PRKCA: variants seen among roughly 807,000 people sequenced by gnomAD.
PRKCA encodes the protein protein kinase C alpha, also known as protein kinase C alpha type.
Under a neutral mutation model 87.0 loss-of-function variants are expected in PRKCA, and 27 were observed. That is an observed-to-expected ratio of 0.31 (90% CI 0.23 to 0.43). The LOEUF (loss-of-function observed/expected upper bound fraction) is 0.43, where lower values mean the gene tolerates loss of function less well. PRKCA is among the 20% of genes least tolerant of loss of function. The pLI, the probability that PRKCA is intolerant of heterozygous loss-of-function variation, is 1.00. For missense variants in PRKCA, 518 were observed against 852.3 expected, an observed-to-expected ratio of 0.61 and a Z score of 4.88; for synonymous variants, 329 against 311.1, an observed-to-expected ratio of 1.06 and a Z score of -0.61.
chr17:66,350,522 A>T (rs1701531057), intron 2 of PRKCA, among the ~76,000 whole-genome samples: 1 of 151,828 alleles, frequency 6.6e-6, no homozygotes, highest in African/African-American at 2.4e-5. Context: ...CAGTTTTATT[A>T]TTTTTTTTAA....
At chr17:66,424,214 G>A (rs1324000715) in intron 2 of PRKCA, among the ~76,000 whole-genome samples, 1 of 152,098 alleles carries the variant, frequency 6.6e-6, no homozygotes, top group African/African-American at 2.4e-5. Context: ...TACGCATGAT[G>A]ATGGTTTTCT....
rs138767503 is a variant in PRKCA at position 66,363,781 on chromosome 17, C to T, written c.205+57654C>T. Among the ~76,000 whole-genome samples, 589 of 152,316 alleles carry T rather than the reference C, an allele frequency of 3.9e-3. 3 individuals are homozygous for T. The highest frequency in any genetic ancestry group is 0.014 in the African/African-American group (567 of 41,564). On this transcript the variant is annotated intron_variant, in intron 2 of 16. Transcript: ENST00000413366. The stretch of plus-strand genomic sequence containing the variant: ...GCAGTGGCACGATCTTGGCTCACTG[C>T]AACCTCTGCCTCCCGGGTTCAAACG...
At chr17:66,579,055 C>T (rs1320784756) in intron 3 of PRKCA, among the ~76,000 whole-genome samples, 2 of 152,198 alleles carry the variant, frequency 1.3e-5, no homozygotes, top group Admixed American at 1.3e-4. Context: ...GTGGCTGCTG[C>T]TTTCTGCTCG....
rs971070927 is a variant in PRKCA, at chr17:66,792,745, G to A, written c.1854+3766G>A. Among the ~76,000 whole-genome samples the A allele has an allele frequency of 3.9e-5, 6 of 152,236 alleles. No individual in the cohort carries two copies. The highest frequency in any genetic ancestry group is 7.2e-5 in the African/African-American group (3 of 41,460). On this transcript the variant is annotated intron_variant, in intron 16 of 16. Coordinates refer to ENST00000413366, the MANE Select transcript of PRKCA (RefSeq NM_002737.3). This position sits in a 1 kb window ranked among gnomAD's most constrained non-coding sequence, Gnocchi z 4.5. ...CAGAAAGAGGAGAGTGACCAGCATC[G>A]AGTGTGTGGGACAGTGGCCATCTCC... is the stretch of plus-strand genomic sequence containing the variant.
At position 66,403,038 on chromosome 17, in the gene PRKCA, C is replaced by T. The variant is rs192485900; in HGVS notation, c.206-93163C>T. 1.5e-3 allele frequency among the ~76,000 whole-genome samples: 224 copies of T among 152,154 alleles called. 4 individuals are homozygous for T. The highest frequency in any genetic ancestry group is 0.014 in the Admixed American group (213 of 15,278). On this transcript the variant is annotated intron_variant, in intron 2 of 16. Coordinates refer to ENST00000413366, the MANE Select transcript of PRKCA (RefSeq NM_002737.3). Reference sequence around the variant, plus strand: ...TGATTGATTGGTTTCTTTATTATCACGGTTTGAGCTGTCATTGAGTATGTG... The same window carrying T: ...TGATTGATTGGTTTCTTTATTATCATGGTTTGAGCTGTCATTGAGTATGTG...
chr17:66,691,202 C>A lies in PRKCA; in HGVS notation c.918+2155C>A, dbSNP rs1041731726. Among the ~76,000 whole-genome samples, 15 of 152,046 alleles carry A rather than the reference C, an allele frequency of 9.9e-5. No homozygotes were observed. The South Asian group carries it at 3.1e-3, about 32-fold the overall frequency. On this transcript the variant is annotated intron_variant, in intron 8 of 16. Coordinates refer to ENST00000413366, the MANE Select transcript of PRKCA (RefSeq NM_002737.3). ...TCAAATATGCATCTATTGCTTTAGA[C>A]ACCAGTAGGATTCAACCAGTAAGAA... is the stretch of plus-strand genomic sequence containing the variant.
rs1047692424 is a variant in PRKCA, at chr17:66,792,068, C to G, written c.1854+3089C>G. Among the ~76,000 whole-genome samples, 1 of 152,224 alleles carries G rather than the reference C, an allele frequency of 6.6e-6. No individual in the cohort carries two copies. The highest frequency in any genetic ancestry group is 1.5e-5 in the Non-Finnish European group (1 of 68,040). On this transcript the variant is annotated intron_variant, in intron 16 of 16. Transcript: ENST00000413366. The surrounding 1 kb of genome is among the most constrained non-coding windows in gnomAD (Gnocchi z 4.5). Reference sequence around the variant, plus strand: ...AGCGACTCTCACCGTGAGCCCATTTCTGAGTGGCTCTCGCCTCTCAGCAGT... The same window carrying G: ...AGCGACTCTCACCGTGAGCCCATTTGTGAGTGGCTCTCGCCTCTCAGCAGT...
intron 3 of PRKCA, among the ~76,000 whole-genome samples, chr17:66,575,251 T>G (rs1969198358): frequency 6.6e-6 from 1 of 152,206 alleles, no homozygotes; most frequent in African/African-American, 2.4e-5. Flanking sequence ...GTATGAGATT[T>G]CATCACACTA....
intron 2 of PRKCA, among the ~76,000 whole-genome samples, chr17:66,474,009 T>C (rs1915435764): frequency 6.6e-6 from 1 of 152,188 alleles, no homozygotes; most frequent in Admixed American, 6.5e-5. Context: ...ATGAACTGTG[T>C]GACTTTGCAA....
chr17:66,480,298 C>T (rs1217334704), intron 2 of PRKCA, among the ~76,000 whole-genome samples: 1 of 152,100 alleles, frequency 6.6e-6, no homozygotes, highest in African/African-American at 2.4e-5. Flanking sequence ...AGGCTCCTGG[C>T]CCCATTCCTT....
intron 2 of PRKCA, among the ~76,000 whole-genome samples, chr17:66,409,746 G>A (rs549951241): frequency 2.0e-5 from 3 of 152,208 alleles, no homozygotes; most frequent in East Asian, 3.9e-4. Flanking sequence ...TGGTTAACAC[G>A]GTGAAACCCC....
chr17:66,441,563 C>T (rs767139165), intron 2 of PRKCA, among the ~76,000 whole-genome samples: 6 of 152,166 alleles, frequency 3.9e-5, no homozygotes, highest in African/African-American at 7.2e-5. Context: ...ATACGACTCT[C>T]GTCTCAGAGC....
chr17:66,709,244 T>C (rs1041169731), intron 8 of PRKCA, among the ~76,000 whole-genome samples: 2 of 151,772 alleles, frequency 1.3e-5, no homozygotes, highest in African/African-American at 4.8e-5. Flanking sequence ...TATGAATCCT[T>C]GTAGAGAAGT....
intron 8 of PRKCA, among the ~76,000 whole-genome samples, chr17:66,708,538 C>T (rs1032408497): frequency 5.9e-5 from 9 of 152,272 alleles, no homozygotes; most frequent in Non-Finnish European, 1.2e-4. Context: ...CAGTGGCTGC[C>T]GGAAGGCTGT....
At chr17:66,637,101 A>G (rs1971168396) in intron 3 of PRKCA, among the ~76,000 whole-genome samples, 1 of 152,184 alleles carries the variant, frequency 6.6e-6, no homozygotes, top group South Asian at 2.1e-4. Context: ...CTACACCTCC[A>G]AACGGTGAGA....
At chr17:66,643,035 C>G (rs185672020) in intron 4 of PRKCA, among the ~76,000 whole-genome samples, 1 of 151,968 alleles carries the variant, frequency 6.6e-6, no homozygotes, top group African/African-American at 2.4e-5. Flanking sequence ...GAGTGAAACT[C>G]GGTCTCAAAA....
chr17:66,385,819 G>A (rs1464356508), intron 2 of PRKCA, among the ~76,000 whole-genome samples: 1 of 152,116 alleles, frequency 6.6e-6, no homozygotes, highest in Non-Finnish European at 1.5e-5. Flanking sequence ...GCTGCGTGGC[G>A]TGATCTCAGC....
At chr17:66,318,580 C>T (rs1905455048) in intron 2 of PRKCA, among the ~76,000 whole-genome samples, 1 of 151,944 alleles carries the variant, frequency 6.6e-6, no homozygotes, top group African/African-American at 2.4e-5. Context: ...GTGGGTTGGG[C>T]GTGGTGGCTC....
At chr17:66,661,566 G>A (rs548587985) in intron 5 of PRKCA, among the ~76,000 whole-genome samples, 41 of 152,172 alleles carry the variant, frequency 2.7e-4, no homozygotes, top group Admixed American at 2.0e-3. Flanking sequence ...TTTTGAACAC[G>A]TCAACCTGCT....
Sources: allele counts gnomAD v4.1 joint callset (sites outside exome capture counted in the v4.1 genomes callset), GRCh38; gene constraint gnomAD v4.1.1; non-coding constraint Gnocchi (gnomAD v3.1); transcripts MANE v1.5; gene names NCBI Gene and HGNC (gene_info 2026-07-23, HGNC 2026-07-21).